The following EDDM13 variants were observed in gnomAD, a reference collection of about 807,000 sequenced individuals.
The protein encoded by EDDM13 is epididymal protein 13.
A neutral mutation model predicts 17.8 loss-of-function variants in EDDM13; 24 were observed. The observed-to-expected ratio is 1.35, with a 90% CI of 0.98 to 1.90. The LOEUF (loss-of-function observed/expected upper bound fraction) is 1.90. Ranked by LOEUF, EDDM13 falls within the 40% of genes most tolerant of loss-of-function variation. The pLI, the probability that EDDM13 is intolerant of heterozygous loss-of-function variation, is 0.00. For missense variants in EDDM13, 97 were observed against 100.8 expected (o/e 0.96, Z 0.16); for synonymous variants, 31 against 37.5 (o/e 0.83, Z 0.63).
chr19:56,301,258 T>C (rs1046659018), intron 12 of EDDM13, among the ~76,000 whole-genome samples: 1 of 152,146 alleles, frequency 6.6e-6, no homozygotes, highest in Non-Finnish European at 1.5e-5. Context: ...CCTGAATATA[T>C]GATAAACAAG....
chr19:56,301,867 A>T, intron 12 of EDDM13, 101 bp from the exon 13 acceptor site: 2 of 1,217,760 alleles, frequency 1.6e-6, no homozygotes, highest in Non-Finnish European at 2.0e-6. Context: ...GCAGGCAGAG[A>T]TGTGAGTTTG....
intron 2 of EDDM13, among the ~76,000 whole-genome samples, chr19:56,279,628 T>C: frequency 6.6e-6 from 1 of 152,198 alleles, no homozygotes; most frequent in South Asian, 2.1e-4. Flanking sequence ...ATCATGAGAA[T>C]CACATGGGAA....
chr19:56,286,207 A>T (rs1278218832), intron 6 of EDDM13, among the ~76,000 whole-genome samples: 1 of 151,840 alleles, frequency 6.6e-6, no homozygotes, highest in African/African-American at 2.4e-5. Context: ...TTATTAGTAG[A>T]GATGGGGTTT....
Position 56,297,549 on chromosome 19 carries a change from T to C in EDDM13, c.295+18T>C, listed in dbSNP as rs2039960537. The C allele has an allele frequency of 1.0e-6, 1 of 983,596 alleles. No individual in the cohort carries two copies. The highest frequency in any genetic ancestry group is 1.2e-6 in the Non-Finnish European group (1 of 828,478). The allele number at this position is 983,596 out of a possible 1,614,324, so 60.9% of individuals were successfully genotyped here. On this transcript the variant is annotated intron_variant, in intron 12 of 14. Coordinates refer to ENST00000649256, the MANE Select transcript of EDDM13 (RefSeq NM_001354658.2). The stretch of plus-strand genomic sequence containing the variant: ...GGAGGAAGGTAAGTGCTTGGGGTCG[T>C]ACCATTCCTCATCTATAAGACAGTG...
chr19:56,273,084 T>G (rs1398576926), intron 1 of EDDM13, among the ~76,000 whole-genome samples, 165 bp downstream of exon 1: 3 of 152,106 alleles, frequency 2.0e-5, no homozygotes, highest in Non-Finnish European at 2.9e-5. Context: ...GGTGAATGAG[T>G]CTAGGTTGCT....
chr19:56,299,463 A>G (rs1182569436), intron 12 of EDDM13, among the ~76,000 whole-genome samples: 1 of 151,872 alleles, frequency 6.6e-6, no homozygotes, highest in Non-Finnish European at 1.5e-5. Flanking sequence ...AAAAAATCTC[A>G]GCTAGCTAGG....
intron 6 of EDDM13, 121 bp downstream of exon 6, chr19:56,285,145 G>A: frequency 2.8e-6 from 1 of 355,836 alleles, no homozygotes; most frequent in Non-Finnish European, 3.9e-6. Context: ...TATTATCCAA[G>A]CACATGTTTT....
chr19:56,273,422 T>G (rs2038003005), intron 1 of EDDM13, among the ~76,000 whole-genome samples: 2 of 152,198 alleles, frequency 1.3e-5, no homozygotes, highest in Non-Finnish European at 2.9e-5. Context: ...CAAATGTTTA[T>G]TCCTGGTTCT....
At position 56,277,312 on chromosome 19, in the gene EDDM13, C is replaced by T. The variant is rs569401766; in HGVS notation, c.103+1203C>T. On this transcript the variant is annotated intron_variant, in intron 2 of 14. Transcript: ENST00000649256. ...ATGCATCCATTAATGAATGGAGAAA[C>T]AGAGTGTGGTCTATGCATACAATGG... Among the ~76,000 whole-genome samples the T allele has an allele frequency of 3.9e-5, 6 of 152,284 alleles. No homozygotes were observed. The East Asian group carries it at 1.2e-3, about 29-fold the overall frequency.
rs2038788891 is a variant in EDDM13, at chr19:56,282,499, G to C, written c.118G>C (p.Gly40Arg). ...TGCTTGTCTGCCAACAGTGCTGAAA[G>C]GTAAGCTTCTCATTCCATCTCTTTC... The part of the protein sequence containing the change: ...ATKEKINLLK[G>R]IIGLMSRLSP... Residue 40 changes from glycine to arginine, a missense_variant and splice_region_variant, in exon 4 of 15, where the codon GGG becomes CGG. Physicochemically the swap from Gly to Arg is moderately radical, Grantham distance 125. Coordinates refer to ENST00000649256, the MANE Select transcript of EDDM13 (RefSeq NM_001354658.2). The C allele has an allele frequency of 1.0e-6, 1 of 985,220 alleles. No homozygotes were observed. Among genetic ancestry groups the C allele is most frequent in the Non-Finnish European group, 1.2e-6 (1 of 829,934 alleles). The allele number at this position is 985,220 out of a possible 1,614,324, so 61.0% of individuals were successfully genotyped here. A position where few individuals can be genotyped will look rare whatever the true frequency, so the allele number is the denominator to read the frequency against.
In EDDM13 at chr19:56,301,985, A is replaced by C; in HGVS notation, c.313A>C (p.Thr105Pro). ...CTCTCCAGTTAAACCCTTCTCAGGCACCACCCCATCCAGGAAACCACTCCC... is the reference window on the plus strand; with the variant it reads ...CTCTCCAGTTAAACCCTTCTCAGGCCCCACCCCATCCAGGAAACCACTCCC... ...CKEEVKPFSG[T>P]TPSRKPLPKR... The change falls in exon 13 of 15, where the codon ACC becomes CCC. Residue 105 changes from threonine to proline, a missense_variant. Thr to Pro is a conservative substitution (Grantham distance 38). Transcript: ENST00000649256. 1.1e-5 allele frequency: 13 copies of C among 1,232,066 alleles called. No individual in the cohort carries two copies. The highest frequency in any genetic ancestry group is 1.1e-5 in the Non-Finnish European group (11 of 988,282). The allele number at this position is 1,232,066 out of a possible 1,614,324, so 76.3% of individuals were successfully genotyped here.
At chr19:56,305,519 T>C (rs948037201) in intron 14 of EDDM13, among the ~76,000 whole-genome samples, 1 of 152,224 alleles carries the variant, frequency 6.6e-6, no homozygotes, top group African/African-American at 2.4e-5. Context: ...CTTTTGACTG[T>C]TGTGAGTCGT....
chr19:56,309,084 A>G (rs1005292634), intron 14 of EDDM13, among the ~76,000 whole-genome samples: 12 of 152,250 alleles, frequency 7.9e-5, no homozygotes, highest in African/African-American at 2.9e-4. Context: ...AACAAAACGT[A>G]GTGCATTCAT....
intron 14 of EDDM13, among the ~76,000 whole-genome samples, chr19:56,307,394 CAA>C (rs927783471): frequency 1.3e-5 from 2 of 152,026 alleles, no homozygotes; most frequent in African/African-American, 4.8e-5. Flanking sequence ...AAAGAAAATC[CAA>C]AACACTTTTC....
At chr19:56,275,826 A>G (rs1257188359) in intron 1 of EDDM13, among the ~76,000 whole-genome samples, 1 of 152,238 alleles carries the variant, frequency 6.6e-6, no homozygotes, top group Admixed American at 6.5e-5. Context: ...TGCGTCTCCA[A>G]CACCAAACAT....
intron 2 of EDDM13, among the ~76,000 whole-genome samples, chr19:56,280,270 T>C (rs942763195): frequency 1.3e-5 from 2 of 152,338 alleles, no homozygotes; most frequent in African/African-American, 4.8e-5. Flanking sequence ...ATAAGGAGCA[T>C]CCTCAACCTC....
chr19:56,284,140 T>G, intron 4 of EDDM13, 58 bp from the exon 5 acceptor site: 1 of 985,358 alleles, frequency 1.0e-6, no homozygotes, highest in Non-Finnish European at 1.2e-6. Flanking sequence ...GACAACATTC[T>G]GGACCACGCA....
chr19:56,280,893 C>A (rs1036585985), intron 2 of EDDM13, among the ~76,000 whole-genome samples: 2 of 152,172 alleles, frequency 1.3e-5, no homozygotes, highest in African/African-American at 4.8e-5. Flanking sequence ...GGGGTACACA[C>A]TCAAACCATA....
chr19:56,301,521 C>G (rs899879000), intron 12 of EDDM13, among the ~76,000 whole-genome samples: 11 of 152,174 alleles, frequency 7.2e-5, no homozygotes, highest in African/African-American at 2.4e-4. Context: ...TTTACCGCAA[C>G]CTGTTTTATC....
Sources: gnomAD v4.1 joint callset for allele counts (sites outside exome capture counted in the v4.1 genomes callset) on GRCh38, gnomAD v4.1.1 for gene constraint, MANE v1.5 for transcripts, NCBI Gene and HGNC (gene_info 2026-07-23, HGNC 2026-07-21) for gene names.